Variants in DLG5 observed in about 807,000 individuals in gnomAD.
The protein encoded by DLG5 is discs large MAGUK scaffold protein 5.
DLG5 carries 48 observed loss-of-function variants against 189.8 expected under a neutral mutation model. That is an observed-to-expected ratio of 0.25 (90% confidence interval 0.20 to 0.32). The LOEUF (loss-of-function observed/expected upper bound fraction) is 0.32, where lower values mean the gene tolerates loss of function less well. Ranked by LOEUF, DLG5 falls within the 10% of genes least tolerant of loss-of-function variation. The pLI, the probability that DLG5 is intolerant of heterozygous loss-of-function variation, is 1.00. For missense variants in DLG5, 2,160 were observed against 2,544.7 expected, an observed-to-expected ratio of 0.85 and a Z score of 3.25; for synonymous variants, 1,016 against 1,054.1, an observed-to-expected ratio of 0.96 and a Z score of 0.70.
intron 1 of DLG5, among the ~76,000 whole-genome samples, chr10:77,876,268 G>A (rs1374765171): frequency 6.6e-5 from 10 of 152,030 alleles, no homozygotes; most frequent in Non-Finnish European, 1.2e-4. Flanking sequence ...GCCAGGTGAG[G>A]TGGCTCATGC....
At chr10:77,808,968 G>A (rs886572746) in intron 24 of DLG5, among the ~76,000 whole-genome samples, 2 of 151,962 alleles carry the variant, frequency 1.3e-5, no homozygotes, top group Admixed American at 6.5e-5. Context: ...GCGTGTTGGC[G>A]CATGCCTGTA....
chr10:77,811,007 G>T, intron 23 of DLG5, 87 bp downstream of exon 23: 1 of 1,506,562 alleles, frequency 6.6e-7, no homozygotes, highest in Non-Finnish European at 8.9e-7. Context: ...GAGGCCAGCT[G>T]CCCAGTGCCC....
the DLG5 span, among the ~76,000 whole-genome samples, chr10:77,935,774 C>T: frequency 1.3e-5 from 2 of 152,242 alleles, no homozygotes; most frequent in African/African-American, 4.8e-5. Flanking sequence ...AAACTGCACA[C>T]GTGTGAGTCT....
chr10:77,922,285 A>C (rs1846557583), intron 1 of DLG5, among the ~76,000 whole-genome samples: 1 of 152,152 alleles, frequency 6.6e-6, no homozygotes, highest in Non-Finnish European at 1.5e-5. Context: ...GGGAGTTGAG[A>C]ATCCTCAAGG....
intron 2 of DLG5, among the ~76,000 whole-genome samples, chr10:77,866,652 T>C (rs1464516550): frequency 6.6e-6 from 1 of 151,848 alleles, no homozygotes; most frequent in Admixed American, 6.6e-5. Flanking sequence ...TACTGGACAC[T>C]GCAGACCTGG....
intron 23 of DLG5, 67 bp downstream of exon 23, chr10:77,811,027 G>C: frequency 6.4e-7 from 1 of 1,553,616 alleles, no homozygotes; most frequent in Non-Finnish European, 8.7e-7. Context: ...CACGCCACTT[G>C]GAGAATGTGC....
Position 77,817,044 on chromosome 10 carries a change from T to C in DLG5, c.3837A>G (p.Thr1279=). The C allele has an allele frequency of 1.9e-6, 3 of 1,614,072 alleles. No homozygotes were observed. The highest frequency in any genetic ancestry group is 2.5e-6 in the Non-Finnish European group (3 of 1,180,018). The change falls in exon 19 of 32, where the codon ACA becomes ACG. Residue 1279 remains threonine (T), a synonymous_variant. Transcript: ENST00000372391. The part of the protein sequence containing the change: ...FKAERIKIPS[T]PRYPRSVVGS... ...CCACGACACTCCGCGGATATCTTGG[T>C]GTTGATGGGATTTTAATGCGTTCCG...
rs942142423 is a variant in DLG5, at chr10:77,833,921, C to T, written c.1741G>A (p.Glu581Lys). The change falls in exon 9 of 32, where the codon GAG (glutamate) becomes AAG (lysine). Residue 581 changes from glutamate (E) to lysine (K), a missense_variant. Transcript: ENST00000372391. ...QKNDVSRELK[E>K]LKEQMESQLE... is the part of the protein sequence containing the mutation. ...GTGCCCACCCGAGCCTACTTGAGCT[C>T]CTTCAGCTCGCGGCTGACATCATTC... The T allele has an allele frequency of 5.6e-6, 9 of 1,606,534 alleles. No homozygotes were observed. The highest frequency in any genetic ancestry group is 2.2e-5 in the East Asian group (1 of 44,846).
In DLG5 at chr10:77,821,680, T is replaced by C. The variant is rs1842369283; in HGVS notation, c.2804A>G (p.Lys935Arg). ...PCGVGEASLD[K>R]ADSEGSNSGG... ...GCTGTTGGAGCCTTCAGAGTCTGCC[T>C]TGTCCAGGGAGGCCTCCCCAACCCC... The change falls in exon 15 of 32, where the codon AAG (lysine) becomes AGG (arginine). Residue 935 changes from lysine to arginine, a missense_variant. Physicochemically the swap from Lys to Arg is conservative, Grantham distance 26. Coordinates refer to ENST00000372391, the MANE Select transcript of DLG5 (RefSeq NM_004747.4). The C allele has an allele frequency of 6.2e-7, 1 of 1,612,814 alleles. No homozygotes were observed. The highest frequency in any genetic ancestry group is 1.3e-5 in the African/African-American group (1 of 75,054).
At chr10:77,892,749 G>A (rs1197362520) in intron 1 of DLG5, among the ~76,000 whole-genome samples, 1 of 152,156 alleles carries the variant, frequency 6.6e-6, no homozygotes, top group African/African-American at 2.4e-5. Flanking sequence ...CCCAATAAAG[G>A]ATTGCTGAAT....
chr10:77,792,370 C>G lies in DLG5; in HGVS notation c.*70G>C. The G allele has an allele frequency of 4.9e-6, 7 of 1,414,916 alleles. No homozygotes were observed. The highest frequency in any genetic ancestry group is 7.0e-6 in the Non-Finnish European group (7 of 999,886). The allele number at this position is 1,414,916 out of a possible 1,614,324, so 87.6% of individuals were successfully genotyped here. A position where few individuals can be genotyped will look rare whatever the true frequency, so the allele number is the denominator to read the frequency against. ...AGACGGACAGACTTCTACTTTCAGT[C>G]GCTAGAAAAGAGCTGAGTCTGGTGT... On this transcript the variant is annotated 3_prime_UTR_variant, in exon 32 of 32. Transcript: ENST00000372391.
rs538261568 is a variant in DLG5, at chr10:77,839,226, C to T, written c.1437+2655G>A. Among the ~76,000 whole-genome samples the T allele has an allele frequency of 8.5e-5, 13 of 152,286 alleles. No homozygotes were observed. In the East Asian group the frequency reaches 1.9e-3, roughly 23 times the overall value. Reference sequence around the variant, plus strand: ...TCAAAGATCTCAAAACTTGGCCAGGCGCAGTGGTTCAGGCCTGTAATCCTA... The same window carrying T: ...TCAAAGATCTCAAAACTTGGCCAGGTGCAGTGGTTCAGGCCTGTAATCCTA... On this transcript the variant is annotated intron_variant, in intron 7 of 31. Transcript: ENST00000372391.
At chr10:77,793,670 G>A (rs921344960) in intron 31 of DLG5, 65 of 296,428 alleles carry the variant, frequency 2.2e-4, no homozygotes, top group Non-Finnish European at 1.5e-4. Flanking sequence ...CTGGCACACT[G>A]GGGGCTGCTC....
Position 77,821,116 on chromosome 10 carries a change from A to G in DLG5, c.3368T>C (p.Leu1123Pro). The change falls in exon 15 of 32, where the codon CTT becomes CCT. Residue 1123 changes from leucine (L) to proline (P), a missense_variant. Transcript: ENST00000372391. Reference sequence around the variant, plus strand: ...CTGAGCAGGAATCACTACTGGAGCAAGCTTCGGCCGAAAACTGGGAGCAGA... The same window carrying G: ...CTGAGCAGGAATCACTACTGGAGCAGGCTTCGGCCGAAAACTGGGAGCAGA... ...PKSAPSFRPK[L>P]APVVIPAQFL... The G allele has an allele frequency of 1.2e-6, 2 of 1,613,866 alleles. No homozygotes were observed. Among genetic ancestry groups the G allele is most frequent in the Non-Finnish European group, 1.7e-6 (2 of 1,179,956 alleles).
chr10:77,806,269 A>G (rs1398221641), intron 26 of DLG5: 1 of 237,790 alleles, frequency 4.2e-6, no homozygotes, highest in Non-Finnish European at 8.2e-6. Context: ...AATCCCAACC[A>G]CACAGAAGTC....
intron 2 of DLG5, 111 bp from the exon 3 acceptor site, chr10:77,857,003 G>T: frequency 9.9e-7 from 1 of 1,015,196 alleles, no homozygotes; most frequent in Non-Finnish European, 1.4e-6. Context: ...CAACAAGTGG[G>T]TCCTCTTAGC....
chr10:77,819,760 C>T (rs1842242951), intron 16 of DLG5, 135 bp downstream of exon 16: 1 of 1,391,072 alleles, frequency 7.2e-7, no homozygotes, highest in Non-Finnish European at 9.6e-7. Context: ...GACAGGACAG[C>T]ATTTCCCAGT....
intron 1 of DLG5, among the ~76,000 whole-genome samples, chr10:77,874,273 GC>G (rs1465507532): frequency 6.6e-6 from 1 of 152,226 alleles, no homozygotes; most frequent in Non-Finnish European, 1.5e-5. Context: ...TCCCAGCCCA[GC>G]CCCTTATGAG....
chr10:77,819,505 C>G (rs1842229381), intron 16 of DLG5, 40 bp from the exon 17 acceptor site: 2 of 1,587,018 alleles, frequency 1.3e-6, no homozygotes, highest in South Asian at 1.2e-5. Context: ...CCCAAAGGAC[C>G]CAGCCAGCCC....
Sources: allele counts gnomAD v4.1 joint callset (sites outside exome capture counted in the v4.1 genomes callset), GRCh38; gene constraint gnomAD v4.1.1; transcripts MANE v1.5; gene names NCBI Gene and HGNC (gene_info 2026-07-23, HGNC 2026-07-21).